Variants in STT3A observed in about 807,000 individuals in gnomAD.
STT3A encodes STT3 oligosaccharyltransferase complex catalytic subunit A.
STT3A carries 34 observed loss-of-function variants against 89.2 expected under a neutral mutation model. The observed-to-expected ratio is 0.38, with a 90% CI of 0.29 to 0.51. STT3A has a LOEUF of 0.51. Ranked by LOEUF, STT3A falls within the 20% of genes least tolerant of loss-of-function variation. STT3A has a pLI of 0.89. For synonymous variants in STT3A, 282 were observed against 310.3 expected, an observed-to-expected ratio of 0.91 and a Z score of 0.96; for missense variants, 555 against 889.5, an observed-to-expected ratio of 0.62 and a Z score of 4.78.
chr11:125,605,949 C>T (rs777405489), intron 7 of STT3A, among the ~76,000 whole-genome samples: 8 of 152,122 alleles, frequency 5.3e-5, no homozygotes, highest in Non-Finnish European at 1.0e-4. Flanking sequence ...TGTGACCTTA[C>T]AGTAGATTGC....
chr11:125,596,557 C>T (rs1939505930), intron 2 of STT3A, among the ~76,000 whole-genome samples: 1 of 152,228 alleles, frequency 6.6e-6, no homozygotes, highest in Non-Finnish European at 1.5e-5. Flanking sequence ...TATTGGGGAC[C>T]CTTGGATAAC....
chr11:125,613,109 G>T lies in STT3A; in HGVS notation c.1486G>T (p.Asp496Tyr). 1.2e-6 allele frequency: 2 copies of T among 1,613,456 alleles called. No homozygotes were observed. The highest frequency in any genetic ancestry group is 8.5e-7 in the Non-Finnish European group (1 of 1,179,590). ...CATTGTACTATCTGCCCGTGGTGGG[G>T]ATGGCAGTAGGATCATATTTGATGA... ...PSIVLSARGG[D>Y]GSRIIFDDFR... Residue 496 changes from aspartate (D) to tyrosine (Y), a missense_variant, in exon 13 of 18, where the codon GAT (aspartate) becomes TAT (tyrosine). Transcript: ENST00000392708. This position sits in a 1 kb window ranked among gnomAD's most constrained non-coding sequence, Gnocchi z 4.2.
At chr11:125,598,031 G>C (rs1160713882) in intron 3 of STT3A, among the ~76,000 whole-genome samples, 1 of 152,132 alleles carries the variant, frequency 6.6e-6, no homozygotes, top group East Asian at 1.9e-4. Flanking sequence ...GGCCAACATA[G>C]TAAAACCCCA....
rs192977706 is a variant in STT3A at position 125,611,034 on chromosome 11, A to C, written c.1118-394A>C. 29 of 153,768 alleles carry C rather than the reference A, an allele frequency of 1.9e-4. 1 individual carries two copies. The highest frequency in any genetic ancestry group is 6.5e-4 in the African/African-American group (27 of 41,602). 9.5% of individuals were successfully genotyped at this position (153,768 alleles called of 1,614,324 possible). On this transcript the variant is annotated intron_variant, in intron 10 of 17. Coordinates refer to ENST00000392708, the MANE Select transcript of STT3A (RefSeq NM_152713.5). ...ATTTTTTTCACTTCATAAAGAATCAAATTTCTCTGTTACTTAGTATTATTT... is the reference window on the plus strand; with the variant it reads ...ATTTTTTTCACTTCATAAAGAATCACATTTCTCTGTTACTTAGTATTATTT...
At chr11:125,593,900 G>GA (rs894361047) in intron 1 of STT3A, among the ~76,000 whole-genome samples, 2 of 151,972 alleles carry the variant, frequency 1.3e-5, no homozygotes, top group African/African-American at 4.8e-5. Context: ...ATAATAGTGG[G>GA]AAAAAAGATT....
rs1206122572 is a variant in STT3A at position 125,621,372 on chromosome 11, C to T, written c.*562C>T. On this transcript the variant is annotated 3_prime_UTR_variant, in exon 18 of 18. Coordinates refer to ENST00000392708, the MANE Select transcript of STT3A (RefSeq NM_152713.5). ...GCTAGAAGAGTGCCTTTCTGGGCTA[C>T]TATGTCTCTGTTCTCAATGTCTTTT... is the stretch of plus-strand genomic sequence containing the variant. 1 of 152,172 alleles carries T rather than the reference C, an allele frequency of 6.6e-6. No homozygotes were observed. The highest frequency in any genetic ancestry group is 1.5e-5 in the Non-Finnish European group (1 of 68,056). 9.4% of individuals were successfully genotyped at this position (152,172 alleles called of 1,614,324 possible).
chr11:125,595,909 T>C lies in STT3A; in HGVS notation c.-7T>C. On this transcript the variant is annotated 5_prime_UTR_variant, in exon 2 of 18. An upstream start codon of the reference 5' UTR is lost. Transcript: ENST00000392708. ...ATCGTCGTGTGTTGCCACCCATTCATGTCAAGATGACTAAGTTTGGATTTT... is the reference window on the plus strand; with the variant it reads ...ATCGTCGTGTGTTGCCACCCATTCACGTCAAGATGACTAAGTTTGGATTTT... 6.2e-7 allele frequency: 1 copy of C among 1,609,028 alleles called. No homozygotes were observed. The highest frequency in any genetic ancestry group is 2.2e-5 in the East Asian group (1 of 44,856).
At chr11:125,611,981 G>A (rs1940038678) in intron 11 of STT3A, among the ~76,000 whole-genome samples, 2 of 144,386 alleles carry the variant, frequency 1.4e-5, no homozygotes, top group Admixed American at 7.3e-5. Context: ...GGGTTCAAGC[G>A]ATTCTCCTGC....
At position 125,613,402 on chromosome 11, in the gene STT3A, T is replaced by G. The variant is rs768755915; in HGVS notation, c.1554+225T>G. ...CTAGACTTTGCATGCACACTTTTAT[T>G]GATATGATGATTTTAACATGAGGTA... On this transcript the variant is annotated intron_variant, in intron 13 of 17. Transcript: ENST00000392708. This position sits in a 1 kb window ranked among gnomAD's most constrained non-coding sequence, Gnocchi z 4.2. Among the ~76,000 whole-genome samples the G allele has an allele frequency of 6.6e-6, 1 of 152,120 alleles. No individual in the cohort carries two copies. Among genetic ancestry groups the G allele is most frequent in the Non-Finnish European group, 1.5e-5 (1 of 68,022 alleles).
At chr11:125,604,362 G>A in intron 6 of STT3A, 115 bp downstream of exon 6, 1 of 984,222 alleles carries the variant, frequency 1.0e-6, no homozygotes, top group Admixed American at 2.3e-5. Flanking sequence ...GAGAATATTA[G>A]AAATGGGCAG....
At position 125,613,263 on chromosome 11, in the gene STT3A, T is replaced by C; in HGVS notation, c.1554+86T>C. 16 of 1,463,142 alleles carry C rather than the reference T, an allele frequency of 1.1e-5. No homozygotes were observed. Among genetic ancestry groups the C allele is most frequent in the Non-Finnish European group, 1.5e-5 (16 of 1,067,968 alleles). 90.6% of individuals were successfully genotyped at this position (1,463,142 alleles called of 1,614,324 possible). ...TACAGTGAATCATACAGCTTTTAGA[T>C]GGGTGGAAAGCTGGGTGAAACTGGA... On this transcript the variant is annotated intron_variant, in intron 13 of 17. Coordinates refer to ENST00000392708, the MANE Select transcript of STT3A (RefSeq NM_152713.5). The surrounding 1 kb of genome is among the most constrained non-coding windows in gnomAD (Gnocchi z 4.2).
chr11:125,619,837 G>A (rs1940295758), intron 16 of STT3A, among the ~76,000 whole-genome samples, 174 bp from the exon 17 acceptor site: 1 of 152,138 alleles, frequency 6.6e-6, no homozygotes, highest in African/African-American at 2.4e-5. Context: ...TTAAGCTAGG[G>A]TAACACTTGA....
chr11:125,597,630 C>A (rs993259117), intron 3 of STT3A, among the ~76,000 whole-genome samples: 2 of 152,052 alleles, frequency 1.3e-5, no homozygotes, highest in Non-Finnish European at 2.9e-5. Context: ...GAATCACAAA[C>A]AATGGACTTG....
At chr11:125,595,484 C>G (rs1340836763) in intron 1 of STT3A, among the ~76,000 whole-genome samples, 1 of 152,098 alleles carries the variant, frequency 6.6e-6, no homozygotes, top group East Asian at 1.9e-4. Context: ...CCCTGCCACC[C>G]CATATAGTCC....
At chr11:125,605,420 G>C (rs1397406452) in intron 6 of STT3A, among the ~76,000 whole-genome samples, 1 of 152,130 alleles carries the variant, frequency 6.6e-6, no homozygotes, top group African/African-American at 2.4e-5. Context: ...TGCTTTACAG[G>C]CATTAATTAT....
In STT3A at chr11:125,606,418, T is replaced by G; in HGVS notation, c.733T>G (p.Cys245Gly). 6.2e-7 allele frequency: 1 copy of G among 1,614,230 alleles called. No individual in the cohort carries two copies. The highest frequency in any genetic ancestry group is 8.5e-7 in the Non-Finnish European group (1 of 1,180,036). ...RIYVAYCTVY[C>G]LGTILSMQIS... ...CTATGTGGCCTACTGTACTGTTTACTGCCTGGGCACTATACTTTCTATGCA... is the reference window on the plus strand; with the variant it reads ...CTATGTGGCCTACTGTACTGTTTACGGCCTGGGCACTATACTTTCTATGCA... The change falls in exon 8 of 18, where the codon TGC becomes GGC. Residue 245 changes from cysteine (C) to glycine (G), a missense_variant. This residue lies in a region of STT3A where 149 missense variants were observed against 206.2 expected (regional missense o/e 0.72). Transcript: ENST00000392708.
At chr11:125,616,844 A>AT (rs1940194654) in intron 15 of STT3A, among the ~76,000 whole-genome samples, 1 of 152,086 alleles carries the variant, frequency 6.6e-6, no homozygotes. Flanking sequence ...TGCCCGGCCA[A>AT]TTTTTATACT....
chr11:125,614,655 G>C lies in STT3A; in HGVS notation c.1774+229G>C, dbSNP rs531270218. 6.6e-6 allele frequency among the ~76,000 whole-genome samples: 1 copy of C among 152,090 alleles called. No individual in the cohort carries two copies. The highest frequency in any genetic ancestry group is 2.4e-5 in the African/African-American group (1 of 41,506). Reference sequence around the variant, plus strand: ...TGTAGGTACAGCATGCTATATGATTGTCTAAGGCATAGAAGTAGTTCCACA... The same window carrying C: ...TGTAGGTACAGCATGCTATATGATTCTCTAAGGCATAGAAGTAGTTCCACA... On this transcript the variant is annotated intron_variant, in intron 15 of 17. Coordinates refer to ENST00000392708, the MANE Select transcript of STT3A (RefSeq NM_152713.5). This position sits in a 1 kb window ranked among gnomAD's most constrained non-coding sequence, Gnocchi z 4.9.
chr11:125,614,098 C>A lies in STT3A; in HGVS notation c.1566C>A (p.Val522=). The A allele has an allele frequency of 6.2e-7, 1 of 1,614,068 alleles. No homozygotes were observed. The highest frequency in any genetic ancestry group is 1.1e-5 in the South Asian group (1 of 91,038). Residue 522 remains valine (V), a synonymous_variant, in exon 14 of 18, where the codon GTC becomes GTA. Coordinates refer to ENST00000392708, the MANE Select transcript of STT3A (RefSeq NM_152713.5). The surrounding 1 kb of genome is among the most constrained non-coding windows in gnomAD (Gnocchi z 4.9). The part of the protein sequence containing the change: ...LRHNTPEDAK[V]MSWWDYGYQI... ...CATTCTACTTTCAGGATGCGAAGGT[C>A]ATGTCCTGGTGGGATTATGGCTATC...
Sources: gnomAD v4.1 joint callset for allele counts (sites outside exome capture counted in the v4.1 genomes callset) on GRCh38, gnomAD v4.1.1 for gene constraint, gnomAD v4.1.1 regional missense constraint, Gnocchi (gnomAD v3.1) non-coding constraint, MANE v1.5 for transcripts, NCBI Gene and HGNC (gene_info 2026-07-23, HGNC 2026-07-21) for gene names.